The following GDAP1L1 variants were observed in gnomAD, a reference collection of about 807,000 sequenced individuals.
GDAP1L1 encodes ganglioside-induced differentiation-associated protein 1-like 1.
GDAP1L1 carries 21 observed loss-of-function variants against 37.1 expected under a neutral mutation model. The observed-to-expected ratio is 0.57, with a 90% CI of 0.40 to 0.81. GDAP1L1 has a LOEUF of 0.81. Ranked by LOEUF, GDAP1L1 falls within the 40% of genes least tolerant of loss-of-function variation. The pLI, the probability that GDAP1L1 is intolerant of heterozygous loss-of-function variation, is 0.00. For synonymous variants in GDAP1L1, 193 were observed against 209.1 expected (o/e 0.92, Z 0.67); for missense variants, 362 against 491.6 (o/e 0.74, Z 2.49).
At chr20:44,277,751 A>C (rs943240630) in intron 5 of GDAP1L1, among the ~76,000 whole-genome samples, 2 of 152,202 alleles carry the variant, frequency 1.3e-5, no homozygotes, top group Non-Finnish European at 2.9e-5. Context: ...GGTTGTTTGG[A>C]CAAGGACGGT....
At chr20:44,262,826 C>T (rs2073696330) in intron 3 of GDAP1L1, among the ~76,000 whole-genome samples, 1 of 152,052 alleles carries the variant, frequency 6.6e-6, no homozygotes, top group African/African-American at 2.4e-5. Context: ...AAGCGATCCC[C>T]CTGCCTCAAC....
chr20:44,255,847 T>A (rs895683651), intron 1 of GDAP1L1, among the ~76,000 whole-genome samples: 4 of 152,144 alleles, frequency 2.6e-5, no homozygotes, highest in African/African-American at 9.7e-5. Flanking sequence ...CCAGGGGATC[T>A]TGGACAAGCC....
chr20:44,279,093 G>A lies in GDAP1L1; in HGVS notation c.897G>A (p.Gln299=), dbSNP rs1212180970. Residue 299 remains glutamine, a synonymous_variant, in exon 6 of 6, where the codon CAG becomes CAA. Coordinates refer to ENST00000342560, the MANE Select transcript of GDAP1L1 (RefSeq NM_024034.6). Reference sequence around the variant, plus strand: ...AAGATGGCAGCCGGCCCAACCTGCAGTCCTTCTTTGAGAGGGTCCAGAGAC... The same window carrying A: ...AAGATGGCAGCCGGCCCAACCTGCAATCCTTCTTTGAGAGGGTCCAGAGAC... ...YWEDGSRPNL[Q]SFFERVQRRF... 3.7e-6 allele frequency: 6 copies of A among 1,614,184 alleles called. No homozygotes were observed. The South Asian group carries it at 5.5e-5, about 15-fold the overall frequency.
intron 5 of GDAP1L1, among the ~76,000 whole-genome samples, chr20:44,278,188 G>T (rs1359211850): frequency 6.6e-6 from 1 of 150,452 alleles, no homozygotes; most frequent in Non-Finnish European, 1.5e-5. Context: ...GAAAGAAAGA[G>T]AATTAATGGT....
intron 1 of GDAP1L1, 76 bp from the exon 2 acceptor site, chr20:44,257,077 G>A (rs1387748717): frequency 9.1e-6 from 13 of 1,428,636 alleles, no homozygotes; most frequent in South Asian, 2.8e-5. Flanking sequence ...CTCCCTCCCC[G>A]CACACCCCCG....
chr20:44,276,456 G>GAAAGAAAGAAAGAA (rs1555801209), intron 5 of GDAP1L1, among the ~76,000 whole-genome samples: 15 of 150,200 alleles, frequency 1.0e-4, no homozygotes, highest in Middle Eastern at 3.4e-3. Context: ...AAGAAAGAAA[G>GAAAGAAAGAAAGAA]AAAGAAAGAA....
intron 2 of GDAP1L1, among the ~76,000 whole-genome samples, chr20:44,257,890 C>A (rs1476194402): frequency 6.6e-6 from 1 of 152,062 alleles, no homozygotes; most frequent in Non-Finnish European, 1.5e-5. Flanking sequence ...GGCCCAGATA[C>A]CCCAGAACCC....
intron 1 of GDAP1L1, among the ~76,000 whole-genome samples, chr20:44,254,325 G>A (rs142581887): frequency 9.2e-5 from 14 of 152,126 alleles, no homozygotes; most frequent in East Asian, 1.9e-4. Flanking sequence ...TCACACACAC[G>A]CAGACACGCA....
intron 4 of GDAP1L1, among the ~76,000 whole-genome samples, chr20:44,263,662 G>A (rs2073712600): frequency 6.6e-6 from 1 of 152,116 alleles, no homozygotes; most frequent in Admixed American, 6.6e-5. Context: ...TGGCCAACAT[G>A]GTGAAACCCC....
chr20:44,264,308 G>A (rs560662195), intron 4 of GDAP1L1, 137 bp from the exon 5 acceptor site: 253 of 1,205,354 alleles, frequency 2.1e-4, no homozygotes, highest in Non-Finnish European at 2.4e-4. Context: ...GCTTCATAAC[G>A]GGGGGGCATC....
chr20:44,265,620 C>A, intron 5 of GDAP1L1: 1 of 419,520 alleles, frequency 2.4e-6, no homozygotes, highest in Non-Finnish European at 3.2e-6. Flanking sequence ...GTTTCCTCAT[C>A]TATAAGATGG....
At chr20:44,260,508 A>T (rs543533934) in intron 3 of GDAP1L1, among the ~76,000 whole-genome samples, 1 of 152,268 alleles carries the variant, frequency 6.6e-6, no homozygotes, top group African/African-American at 2.4e-5. Flanking sequence ...AACAATATAC[A>T]TGTATATCCT....
chr20:44,255,606 A>G (rs570477515), intron 1 of GDAP1L1, among the ~76,000 whole-genome samples: 1 of 151,970 alleles, frequency 6.6e-6, no homozygotes, highest in South Asian at 2.1e-4. Flanking sequence ...CATCCAGCAA[A>G]TAAGTGTAAA....
rs78130382 is a variant in GDAP1L1, at chr20:44,265,264, G to A, written c.760+705G>A. The A allele has an allele frequency of 8.0e-3, 7,853 of 985,276 alleles. 52 individuals carry two copies. Among genetic ancestry groups the A allele is most frequent in the East Asian group, 0.051 (451 of 8,808 alleles). 61.0% of individuals were successfully genotyped at this position (985,276 alleles called of 1,614,324 possible). On this transcript the variant is annotated intron_variant, in intron 5 of 5. Transcript: ENST00000342560. ...CATGCCAGCTTCATTCTACCTCCAT[G>A]CTTTTGCTCCCACAGCCCCTCCCTC...
At chr20:44,270,913 T>C (rs993310061) in intron 5 of GDAP1L1, among the ~76,000 whole-genome samples, 1 of 152,172 alleles carries the variant, frequency 6.6e-6, no homozygotes, top group Non-Finnish European at 1.5e-5. Flanking sequence ...GGGAGGAGAA[T>C]TGGGCTCCGC....
At chr20:44,260,677 A>G (rs1264516998) in intron 3 of GDAP1L1, among the ~76,000 whole-genome samples, 2 of 152,166 alleles carry the variant, frequency 1.3e-5, no homozygotes, top group Admixed American at 1.3e-4. Flanking sequence ...TGTAGCAGGT[A>G]GAAGGGGAGA....
intron 5 of GDAP1L1, among the ~76,000 whole-genome samples, chr20:44,273,797 C>T (rs1286959762): frequency 6.6e-6 from 1 of 152,164 alleles, no homozygotes; most frequent in Non-Finnish European, 1.5e-5. Context: ...ACCTCCCCCA[C>T]ATCCTCACTC....
At position 44,264,128 on chromosome 20, in the gene GDAP1L1, C is replaced by T. The variant is rs575222003; in HGVS notation, c.646-317C>T. 9.9e-5 allele frequency among the ~76,000 whole-genome samples: 15 copies of T among 152,258 alleles called. 1 individual carries two copies. The highest frequency in any genetic ancestry group is 3.6e-4 in the African/African-American group (15 of 41,562). ...AGATTGTTGGAGGGAGGGGTGCGGG[C>T]CGGTAACCTCCCAGGTATTTGTGGG... On this transcript the variant is annotated intron_variant, in intron 4 of 5. Transcript: ENST00000342560.
Position 44,258,347 on chromosome 20 carries a change from C to T in GDAP1L1, c.374-87C>T, listed in dbSNP as rs1281614364. ...GGTGCCCAGGGCCTCTGGGCAGAGA[C>T]ATCTTGGGGCTCAGGGATGCCGGGG... On this transcript the variant is annotated intron_variant, in intron 2 of 5. Coordinates refer to ENST00000342560, the MANE Select transcript of GDAP1L1 (RefSeq NM_024034.6). 2.3e-6 allele frequency: 3 copies of T among 1,304,038 alleles called. No individual in the cohort carries two copies. The Admixed American group carries it at 5.9e-5, about 26-fold the overall frequency. 80.8% of individuals were successfully genotyped at this position (1,304,038 alleles called of 1,614,324 possible).
Sources: allele counts gnomAD v4.1 joint callset (sites outside exome capture counted in the v4.1 genomes callset), GRCh38; gene constraint gnomAD v4.1.1; transcripts MANE v1.5; gene names NCBI Gene and HGNC (gene_info 2026-07-23, HGNC 2026-07-21).